The following RORA variants were observed in gnomAD, a reference collection of about 807,000 sequenced individuals.
RORA encodes RAR related orphan receptor A, also known as nuclear receptor ROR-alpha.
RORA carries 7 observed loss-of-function variants against 69.5 expected under a neutral mutation model. The ratio of observed to expected loss-of-function variants is 0.10; its 90% confidence interval spans 0.06 to 0.19. The LOEUF is 0.19. Ranked by LOEUF, RORA falls within the 10% of genes least tolerant of loss-of-function variation. The probability of loss-of-function intolerance (pLI) is 1.00; values close to 1 mark genes in which losing one functional copy is unlikely to be tolerated. For synonymous variants in RORA, 261 were observed against 240.8 expected, an observed-to-expected ratio of 1.08 and a Z score of -0.78; for missense variants, 457 against 663.0, an observed-to-expected ratio of 0.69 and a Z score of 3.41.
At chr15:60,705,646 T>C (rs1352905405) in intron 1 of RORA, among the ~76,000 whole-genome samples, 2 of 152,184 alleles carry the variant, frequency 1.3e-5, no homozygotes, top group Non-Finnish European at 2.9e-5. Context: ...AAAACAAGCT[T>C]CTGAAGTTAT....
intron 1 of RORA, among the ~76,000 whole-genome samples, chr15:60,994,847 A>C (rs1894480231): frequency 6.6e-6 from 1 of 152,178 alleles, no homozygotes; most frequent in African/African-American, 2.4e-5. Flanking sequence ...GAGAAAGCCA[A>C]CTTTACCAAC....
intron 2 of RORA, among the ~76,000 whole-genome samples, chr15:60,677,573 G>T (rs1224482941): frequency 6.3e-5 from 9 of 142,258 alleles, no homozygotes; most frequent in South Asian, 4.4e-4. Flanking sequence ...ACGTTTTTTG[G>T]TTTTTTCTTT....
At chr15:60,892,686 T>A (rs2073825005) in intron 1 of RORA, among the ~76,000 whole-genome samples, 1 of 152,214 alleles carries the variant, frequency 6.6e-6, no homozygotes, top group Admixed American at 6.5e-5. Flanking sequence ...CCTTCACTCC[T>A]TTCACTCTAG....
intron 1 of RORA, among the ~76,000 whole-genome samples, chr15:60,944,433 G>C (rs957547460): frequency 6.6e-6 from 1 of 152,016 alleles, no homozygotes; most frequent in East Asian, 1.9e-4. Flanking sequence ...TAAGCAGCAC[G>C]GAGCGAGATG....
chr15:60,990,357 T>C (rs1894335303), intron 1 of RORA, among the ~76,000 whole-genome samples: 1 of 152,246 alleles, frequency 6.6e-6, no homozygotes, highest in Non-Finnish European at 1.5e-5. Context: ...TGTCACATTA[T>C]GACTGGGCAG....
intron 2 of RORA, among the ~76,000 whole-genome samples, chr15:60,576,471 G>A (rs1276985347): frequency 6.6e-6 from 1 of 152,240 alleles, no homozygotes. Context: ...AGGGCAATGT[G>A]AATGTCTATA....
At chr15:60,936,455 C>T (rs1434572931) in intron 1 of RORA, among the ~76,000 whole-genome samples, 1 of 152,236 alleles carries the variant, frequency 6.6e-6, no homozygotes, top group Non-Finnish European at 1.5e-5. Flanking sequence ...CCCTTGCACA[C>T]CTGTCACACC....
At chr15:61,173,280 C>T (rs2079600956) in intron 1 of RORA, among the ~76,000 whole-genome samples, 1 of 152,182 alleles carries the variant, frequency 6.6e-6, no homozygotes, top group Admixed American at 6.5e-5. Flanking sequence ...AATCTAAAAT[C>T]CAGATCTGTC....
chr15:60,946,275 G>A (rs932184777), intron 1 of RORA, among the ~76,000 whole-genome samples: 11 of 151,558 alleles, frequency 7.3e-5, no homozygotes, highest in Admixed American at 2.6e-4. Flanking sequence ...TCTCCCCACG[G>A]TCTCCCTCTC....
At chr15:61,160,317 G>C (rs2079483567) in intron 1 of RORA, among the ~76,000 whole-genome samples, 1 of 152,162 alleles carries the variant, frequency 6.6e-6, no homozygotes, top group African/African-American at 2.4e-5. Flanking sequence ...GCCTACAGTA[G>C]TATACGTAAA....
Position 61,175,541 on chromosome 15 carries a change from T to TAAATAAAAAAAAA in RORA, c.166+53511_166+53512insTTTTTTTTTATTT, listed in dbSNP as rs61188463. On this transcript the variant is annotated intron_variant, in intron 1 of 10. Coordinates refer to ENST00000335670, the MANE Select transcript of RORA (RefSeq NM_134261.3). ...GAGCAACATAGTGAGATCCTGTTTC[T>TAAATAAAAAAAAA]AAAAAAAAAAAAAAAAAACTTGCCA... Among the ~76,000 whole-genome samples the TAAATAAAAAAAAA allele has an allele frequency of 1.0e-3, 125 of 120,194 alleles. 15 individuals are homozygous for TAAATAAAAAAAAA. The highest frequency in any genetic ancestry group is 1.9e-3 in the African/African-American group (62 of 31,864). The allele number at this position is 120,194 out of a possible 152,430, so 78.9% of individuals were successfully genotyped here.
chr15:60,716,581 A>T (rs973596609), intron 1 of RORA, among the ~76,000 whole-genome samples: 1 of 152,052 alleles, frequency 6.6e-6, no homozygotes, highest in Non-Finnish European at 1.5e-5. Context: ...CCTTTGTTAC[A>T]GTCTTGTTAT....
At chr15:60,739,278 A>C (rs988663805) in intron 1 of RORA, among the ~76,000 whole-genome samples, 1 of 152,126 alleles carries the variant, frequency 6.6e-6, no homozygotes. Context: ...GGAGAGATAC[A>C]TTTTTGGTTT....
At chr15:60,592,870 T>C (rs1466284401) in intron 2 of RORA, 3 of 462,596 alleles carry the variant, frequency 6.5e-6, no homozygotes, top group East Asian at 1.4e-4. Context: ...GACCACTTTC[T>C]GCCCCCACTC....
chr15:61,053,862 T>TATATATATAA (rs950408568), intron 1 of RORA, among the ~76,000 whole-genome samples: 3 of 140,886 alleles, frequency 2.1e-5, no homozygotes, highest in Non-Finnish European at 3.1e-5. Flanking sequence ...TATATATATA[T>TATATATATAA]AAACATTCTT....
At chr15:61,163,012 A>G (rs1018683207) in intron 1 of RORA, among the ~76,000 whole-genome samples, 14 of 152,242 alleles carry the variant, frequency 9.2e-5, no homozygotes, top group African/African-American at 3.1e-4. Context: ...ATGTTGGGTG[A>G]TAAGTCAATG....
At chr15:60,897,579 C>T (rs1005659610) in intron 1 of RORA, among the ~76,000 whole-genome samples, 1 of 152,200 alleles carries the variant, frequency 6.6e-6, no homozygotes, top group Admixed American at 6.5e-5. Flanking sequence ...GGGATGAACC[C>T]ATGTTTCTGT....
chr15:60,969,284 A>G (rs1282953065), intron 1 of RORA, among the ~76,000 whole-genome samples: 1 of 152,226 alleles, frequency 6.6e-6, no homozygotes, highest in South Asian at 2.1e-4. Flanking sequence ...CAAACTATCA[A>G]TTCATTAGGT....
Position 61,066,920 on chromosome 15 carries a change from A to G in RORA, c.166+162133T>C, listed in dbSNP as rs985408667. ...AAAAAAAAAAAACCCAAAAAGGTGGATAGCCTAGGCCTTGGTCCACTGAGC... is the reference window on the plus strand; with the variant it reads ...AAAAAAAAAAAACCCAAAAAGGTGGGTAGCCTAGGCCTTGGTCCACTGAGC... On this transcript the variant is annotated intron_variant, in intron 1 of 10. Coordinates refer to ENST00000335670, the MANE Select transcript of RORA (RefSeq NM_134261.3). 4.6e-4 allele frequency among the ~76,000 whole-genome samples: 66 copies of G among 144,890 alleles called. 1 individual carries two copies. Among genetic ancestry groups the G allele is most frequent in the Non-Finnish European group, 9.1e-4 (60 of 66,268 alleles).
Sources: gnomAD v4.1 joint callset for allele counts (sites outside exome capture counted in the v4.1 genomes callset) on GRCh38, gnomAD v4.1.1 for gene constraint, MANE v1.5 for transcripts, NCBI Gene and HGNC (gene_info 2026-07-23, HGNC 2026-07-21) for gene names.